RFX3: variants seen among roughly 807,000 people sequenced by gnomAD.
RFX3 encodes the protein regulatory factor X3, also known as transcription factor RFX3.
In RFX3, 14 loss-of-function variants were observed where a neutral mutation model predicts 98.6. That is an observed-to-expected ratio of 0.14 (90% confidence interval 0.09 to 0.22). The LOEUF (loss-of-function observed/expected upper bound fraction) is 0.22. Among genes scored for constraint, RFX3 ranks in the 10% least tolerant of loss-of-function variants. The probability of loss-of-function intolerance (pLI) is 1.00; values close to 1 mark genes in which losing one functional copy is unlikely to be tolerated. For synonymous variants in RFX3, 383 were observed against 328.4 expected (o/e 1.17, Z -1.80); for missense variants, 639 against 926.9 (o/e 0.69, Z 4.03).
chr9:3,383,552 A>G (rs1447878410), intron 2 of RFX3, among the ~76,000 whole-genome samples: 1 of 152,122 alleles, frequency 6.6e-6, no homozygotes. Flanking sequence ...GGCCAAAAAA[A>G]AAAAATGGCT....
intron 9 of RFX3, among the ~76,000 whole-genome samples, chr9:3,274,798 G>A (rs1201124029): frequency 6.6e-6 from 1 of 151,624 alleles, no homozygotes; most frequent in South Asian, 2.1e-4. Context: ...CTTCACAAAG[G>A]CAACCACTGT....
intron 2 of RFX3, among the ~76,000 whole-genome samples, chr9:3,391,376 A>C (rs1015133263): frequency 1.3e-5 from 2 of 152,200 alleles, no homozygotes; most frequent in Non-Finnish European, 2.9e-5. Context: ...CTTCTAAATA[A>C]GTCTGGGAGG....
intron 1 of RFX3, among the ~76,000 whole-genome samples, chr9:3,425,845 C>T (rs1843965934): frequency 6.6e-6 from 1 of 152,032 alleles, no homozygotes; most frequent in Non-Finnish European, 1.5e-5. Flanking sequence ...TAATTTTCTT[C>T]TAAGTTAATC....
chr9:3,414,931 T>A (rs1046039648), intron 1 of RFX3, among the ~76,000 whole-genome samples: 1 of 137,924 alleles, frequency 7.3e-6, no homozygotes, highest in East Asian at 2.1e-4. Context: ...CTCATATGTG[T>A]GTATATATAT....
At position 3,408,873 on chromosome 9, in the gene RFX3, C is replaced by T. The variant is rs185295503; in HGVS notation, c.-8-13277G>A. Among the ~76,000 whole-genome samples, 106 of 152,220 alleles carry T rather than the reference C, an allele frequency of 7.0e-4. 1 individual carries two copies. Among genetic ancestry groups the T allele is most frequent in the Admixed American group, 1.8e-3 (28 of 15,290 alleles). On this transcript the variant is annotated intron_variant, in intron 1 of 16. Coordinates refer to ENST00000617270, the MANE Select transcript of RFX3 (RefSeq NM_001282116.2). Reference sequence around the variant, plus strand: ...CCCTGGCAGAGATGGTGATCGGGTACGATAAAACTAGGTCTACTTTGCCAA... The same window carrying T: ...CCCTGGCAGAGATGGTGATCGGGTATGATAAAACTAGGTCTACTTTGCCAA...
intron 1 of RFX3, among the ~76,000 whole-genome samples, chr9:3,403,646 G>C (rs1011140733): frequency 1.3e-5 from 2 of 152,114 alleles, no homozygotes; most frequent in African/African-American, 4.8e-5. Flanking sequence ...AGAAAGAAAT[G>C]AAATTACTGT....
intron 7 of RFX3, among the ~76,000 whole-genome samples, chr9:3,284,236 C>T (rs1027316668): frequency 2.6e-5 from 4 of 151,670 alleles, no homozygotes; most frequent in Non-Finnish European, 4.4e-5. Context: ...CTAAAATATA[C>T]ATGCCAATAC....
At position 3,465,772 on chromosome 9, in the gene RFX3, A is replaced by G. The variant is rs564081237; in HGVS notation, c.-9+59975T>C. Among the ~76,000 whole-genome samples, 10 of 152,298 alleles carry G rather than the reference A, an allele frequency of 6.6e-5. No homozygotes were observed. In the South Asian group the frequency reaches 2.1e-3, roughly 32 times the overall value. The stretch of plus-strand genomic sequence containing the variant: ...AATACAAGATACTATATATCTCAAA[A>G]TAGAGCAGTGAGTGGTAAAGATAGT... On this transcript the variant is annotated intron_variant, in intron 1 of 16. Transcript: ENST00000617270.
intron 7 of RFX3, among the ~76,000 whole-genome samples, chr9:3,282,908 T>C (rs1403221482): frequency 1.3e-5 from 2 of 151,746 alleles, no homozygotes; most frequent in African/African-American, 4.8e-5. Context: ...AGTAACAATA[T>C]AATTGCCAAT....
At chr9:3,297,842 A>T (rs577279002) in intron 5 of RFX3, among the ~76,000 whole-genome samples, 6 of 151,956 alleles carry the variant, frequency 3.9e-5, no homozygotes, top group Non-Finnish European at 8.8e-5. Context: ...AGAAATGTAC[A>T]ACCTTAAATT....
intron 14 of RFX3, among the ~76,000 whole-genome samples, chr9:3,251,521 T>TG (rs768403907): frequency 3.9e-5 from 6 of 151,916 alleles, no homozygotes; most frequent in African/African-American, 1.2e-4. Context: ...TTGTTAGAGA[T>TG]GGGGTCTCAC....
chr9:3,369,346 G>GT (rs1563998530), intron 2 of RFX3, among the ~76,000 whole-genome samples: 1 of 152,008 alleles, frequency 6.6e-6, no homozygotes. Context: ...GTTGTCTTTT[G>GT]TAAGTACACT....
chr9:3,454,899 G>A (rs181118081), intron 1 of RFX3, among the ~76,000 whole-genome samples: 90 of 152,260 alleles, frequency 5.9e-4, no homozygotes, highest in African/African-American at 2.1e-3. Context: ...ACTAAGCTAC[G>A]AATGGTAAAA....
intron 1 of RFX3, among the ~76,000 whole-genome samples, chr9:3,463,706 C>T (rs916233591): frequency 1.3e-5 from 2 of 152,046 alleles, no homozygotes; most frequent in Non-Finnish European, 2.9e-5. Context: ...CACTGGGGCT[C>T]ATGCTTATAA....
chr9:3,512,617 G>C (rs1049913234), intron 1 of RFX3, among the ~76,000 whole-genome samples: 1 of 151,784 alleles, frequency 6.6e-6, no homozygotes, highest in African/African-American at 2.4e-5. Context: ...ACAATGTCTA[G>C]AAATAGTCAA....
At chr9:3,287,107 T>C (rs1826712107) in intron 7 of RFX3, among the ~76,000 whole-genome samples, 1 of 151,914 alleles carries the variant, frequency 6.6e-6, no homozygotes, top group African/African-American at 2.4e-5. Context: ...GAACTGTGTC[T>C]TATCTCTGCA....
chr9:3,419,228 C>T (rs1037670898), intron 1 of RFX3, among the ~76,000 whole-genome samples: 3 of 151,948 alleles, frequency 2.0e-5, no homozygotes, highest in African/African-American at 4.8e-5. Flanking sequence ...GCATACATTA[C>T]CAAAAGCACA....
chr9:3,238,225 C>A (rs1208285037), intron 15 of RFX3, among the ~76,000 whole-genome samples: 1 of 152,100 alleles, frequency 6.6e-6, no homozygotes, highest in East Asian at 1.9e-4. Context: ...ATAAATGCCT[C>A]TAGCTAAGTG....
intron 1 of RFX3, among the ~76,000 whole-genome samples, chr9:3,405,731 A>G (rs1841899248): frequency 1.3e-5 from 2 of 152,234 alleles, no homozygotes; most frequent in Admixed American, 6.5e-5. Flanking sequence ...TATCTCAAAA[A>G]TACACCCACA....
Sources: allele counts gnomAD v4.1 joint callset (sites outside exome capture counted in the v4.1 genomes callset), GRCh38; gene constraint gnomAD v4.1.1; transcripts MANE v1.5; gene names NCBI Gene and HGNC (gene_info 2026-07-23, HGNC 2026-07-21).